Variants in RNF180 observed in about 807,000 individuals in gnomAD.
RNF180 encodes ring finger protein 180.
A neutral mutation model predicts 59.2 loss-of-function variants in RNF180; 38 were observed. The ratio of observed to expected loss-of-function variants is 0.64; its 90% CI spans 0.50 to 0.84. The LOEUF (loss-of-function observed/expected upper bound fraction) is 0.84, where lower values mean the gene tolerates loss of function less well. RNF180 is among the 40% of genes least tolerant of loss of function. The pLI, the probability that RNF180 is intolerant of heterozygous loss-of-function variation, is 0.00. For synonymous variants in RNF180, 262 were observed against 240.3 expected (o/e 1.09, Z -0.84); for missense variants, 705 against 700.9 (o/e 1.01, Z -0.07).
intron 7 of RNF180, among the ~76,000 whole-genome samples, chr5:64,334,758 C>T (rs1010457258): frequency 2.0e-5 from 3 of 152,168 alleles, no homozygotes; most frequent in Admixed American, 1.3e-4. Context: ...TACTACTACA[C>T]TGTAGTCAAT....
At chr5:64,302,420 C>T (rs1433643474) in intron 5 of RNF180, among the ~76,000 whole-genome samples, 1 of 151,454 alleles carries the variant, frequency 6.6e-6, no homozygotes, top group Non-Finnish European at 1.5e-5. Context: ...TTTTATGTGG[C>T]TCATTCTTTT....
Position 64,249,252 on chromosome 5 carries a change from T to TA in RNF180, c.1227+31863dup, listed in dbSNP as rs200743205. ...ATGTATTCTAGAACTTAAAGTATAATAAAAAAAGAAAAAATAAGCTCACTG... is the reference window on the plus strand; with the variant it reads ...ATGTATTCTAGAACTTAAAGTATAATAAAAAAAAGAAAAAATAAGCTCACTG... On this transcript the variant is annotated intron_variant, in intron 5 of 7. Transcript: ENST00000389100. Among the ~76,000 whole-genome samples, 1,357 of 151,794 alleles carry TA rather than the reference T, an allele frequency of 8.9e-3. 22 individuals carry two copies. The highest frequency in any genetic ancestry group is 0.029 in the African/African-American group (1,219 of 41,400).
chr5:64,194,365 T>G (rs1180858388), intron 1 of RNF180, among the ~76,000 whole-genome samples: 2 of 152,342 alleles, frequency 1.3e-5, no homozygotes, highest in Non-Finnish European at 2.9e-5. Flanking sequence ...TAGTATTCCA[T>G]GGTGTATATG....
At chr5:64,344,771 C>A (rs1206846237) in intron 7 of RNF180, among the ~76,000 whole-genome samples, 1 of 151,868 alleles carries the variant, frequency 6.6e-6, no homozygotes, top group Non-Finnish European at 1.5e-5. Context: ...TCATTCTCTT[C>A]TGCTTGTTAC....
chr5:64,188,419 A>G (rs979932108), intron 1 of RNF180, among the ~76,000 whole-genome samples: 1 of 152,148 alleles, frequency 6.6e-6, no homozygotes, highest in African/African-American at 2.4e-5. Context: ...AAAAAAGTAC[A>G]TATTTTTAAG....
chr5:64,279,397 G>A (rs1741889140), intron 5 of RNF180, among the ~76,000 whole-genome samples: 1 of 152,116 alleles, frequency 6.6e-6, no homozygotes, highest in Non-Finnish European at 1.5e-5. Flanking sequence ...AAGTGACTAT[G>A]GCTAGATGAA....
chr5:64,217,615 T>G (rs946932619), intron 5 of RNF180: 17 of 631,928 alleles, frequency 2.7e-5, no homozygotes, highest in African/African-American at 5.7e-5. Context: ...TGAACATATG[T>G]GCTTATTTTA....
At chr5:64,361,394 A>G (rs1746248089) in intron 7 of RNF180, among the ~76,000 whole-genome samples, 2 of 151,580 alleles carry the variant, frequency 1.3e-5, no homozygotes, top group Admixed American at 6.6e-5. Context: ...AATTTATCAC[A>G]TTAACAGATT....
intron 1 of RNF180, among the ~76,000 whole-genome samples, chr5:64,189,862 A>G (rs967501182): frequency 6.6e-6 from 1 of 152,238 alleles, no homozygotes; most frequent in Admixed American, 6.5e-5. Flanking sequence ...ACAGGACAAA[A>G]TAAAGGAAGG....
At chr5:64,170,061 A>T (rs1461522544) in intron 1 of RNF180, among the ~76,000 whole-genome samples, 2 of 152,194 alleles carry the variant, frequency 1.3e-5, no homozygotes, top group African/African-American at 2.4e-5. Flanking sequence ...TTGACCCTTC[A>T]TCCTCTACCT....
chr5:64,255,906 A>G (rs1743917746), intron 5 of RNF180, among the ~76,000 whole-genome samples: 7 of 152,266 alleles, frequency 4.6e-5, no homozygotes, highest in Middle Eastern at 3.4e-3. Flanking sequence ...CTGGTGTAAG[A>G]TGGTATCTCA....
At chr5:64,360,509 G>T (rs1282664263) in intron 7 of RNF180, among the ~76,000 whole-genome samples, 1 of 151,744 alleles carries the variant, frequency 6.6e-6, no homozygotes, top group East Asian at 1.9e-4. Flanking sequence ...AGACAGGGAT[G>T]CCCTCTCTCA....
intron 6 of RNF180, among the ~76,000 whole-genome samples, chr5:64,329,949 G>A (rs10035102): frequency 2.6e-5 from 4 of 152,004 alleles, no homozygotes; most frequent in African/African-American, 9.7e-5. Context: ...GTGACCCAGG[G>A]GTTGGGGACC....
At chr5:64,360,047 A>G (rs543985082) in intron 7 of RNF180, among the ~76,000 whole-genome samples, 6 of 152,102 alleles carry the variant, frequency 3.9e-5, no homozygotes, top group African/African-American at 1.2e-4. Flanking sequence ...GCCTTGTAGT[A>G]AAGTTTGAAG....
At chr5:64,345,035 A>G (rs570429783) in intron 7 of RNF180, among the ~76,000 whole-genome samples, 1 of 152,030 alleles carries the variant, frequency 6.6e-6, no homozygotes, top group Non-Finnish European at 1.5e-5. Flanking sequence ...TTTGTTTCTC[A>G]TTTGGCTAGT....
intron 1 of RNF180, among the ~76,000 whole-genome samples, chr5:64,179,281 CTTAGTA>C (rs1460159468): frequency 6.6e-6 from 1 of 152,010 alleles, no homozygotes; most frequent in African/African-American, 2.4e-5. Context: ...GTTCTCACCA[CTTAGTA>C]TTAGAAAATA....
At chr5:64,210,439 A>G (rs555816942) in intron 2 of RNF180, among the ~76,000 whole-genome samples, 7 of 152,272 alleles carry the variant, frequency 4.6e-5, no homozygotes, top group South Asian at 4.1e-4. Flanking sequence ...AGGATTATCA[A>G]TGATTGAATG....
At chr5:64,349,573 C>G (rs1745703593) in intron 7 of RNF180, among the ~76,000 whole-genome samples, 1 of 151,876 alleles carries the variant, frequency 6.6e-6, no homozygotes, top group African/African-American at 2.4e-5. Context: ...AATATGCTAT[C>G]TCTCCCCCCT....
At chr5:64,362,901 G>A (rs1390422868) in intron 7 of RNF180, among the ~76,000 whole-genome samples, 2 of 141,538 alleles carry the variant, frequency 1.4e-5, no homozygotes, top group Non-Finnish European at 2.9e-5. Context: ...AAGAATGTCT[G>A]TTCATGTCCT....
Sources: gnomAD v4.1 joint callset for allele counts (sites outside exome capture counted in the v4.1 genomes callset) on GRCh38, gnomAD v4.1.1 for gene constraint, MANE v1.5 for transcripts, NCBI Gene and HGNC (gene_info 2026-07-23, HGNC 2026-07-21) for gene names.